The following PPP2R2B variants were observed in gnomAD, a reference collection of about 807,000 sequenced individuals.
PPP2R2B encodes the protein protein phosphatase 2 regulatory subunit Bbeta, also known as serine/threonine-protein phosphatase 2A 55 kDa regulatory subunit B beta isoform.
PPP2R2B carries 5 observed loss-of-function variants against 46.0 expected under a neutral mutation model. The ratio of observed to expected loss-of-function variants is 0.11; its 90% confidence interval spans 0.06 to 0.23. The LOEUF is 0.23. Ranked by LOEUF, PPP2R2B falls within the 10% of genes least tolerant of loss-of-function variation. PPP2R2B has a pLI of 1.00. For synonymous variants in PPP2R2B, 215 were observed against 206.7 expected (o/e 1.04, Z -0.34); for missense variants, 367 against 575.0 (o/e 0.64, Z 3.70).
At chr5:146,618,912 T>C (rs1773441791) in intron 7 of PPP2R2B, among the ~76,000 whole-genome samples, 1 of 152,172 alleles carries the variant, frequency 6.6e-6, no homozygotes, top group Admixed American at 6.5e-5. Context: ...GTGCTAAATA[T>C]TTGAATCTTC....
intron 2 of PPP2R2B, among the ~76,000 whole-genome samples, chr5:146,853,023 G>A (rs1760442647): frequency 6.6e-6 from 1 of 152,046 alleles, no homozygotes. Flanking sequence ...GTCACAGAGG[G>A]GCATGGAGTG....
intron 2 of PPP2R2B, among the ~76,000 whole-genome samples, chr5:146,863,641 T>C (rs796628833): frequency 5.3e-5 from 8 of 150,584 alleles, no homozygotes; most frequent in African/African-American, 9.8e-5. Context: ...TCCATCCATC[T>C]ATCCATCCAT....
In PPP2R2B at chr5:146,877,984, C is replaced by T. The variant is rs140457350; in HGVS notation, c.70+18G>A. On this transcript the variant is annotated intron_variant, in intron 2 of 9. Coordinates refer to ENST00000394411, the MANE Select transcript of PPP2R2B (RefSeq NM_181675.4). ...TGCGCCCGGCCCCAACGGCGGAATG[C>T]GGCGGGGCTGGCGTTACCTTCGGTC... 100 of 1,604,434 alleles carry T rather than the reference C, an allele frequency of 6.2e-5. No homozygotes were observed. The African/African-American group carries it at 1.1e-3, about 18-fold the overall frequency.
intron 7 of PPP2R2B, among the ~76,000 whole-genome samples, chr5:146,615,640 TTACAACAGC>T (rs1217110857): frequency 6.6e-6 from 1 of 151,226 alleles, no homozygotes; most frequent in East Asian, 1.9e-4. Flanking sequence ...TTAAACCCAT[TTACAACAGC>T]TACAAATTAA....
intron 7 of PPP2R2B, among the ~76,000 whole-genome samples, chr5:146,604,899 G>C (rs1395682613): frequency 1.3e-5 from 2 of 152,070 alleles, no homozygotes; most frequent in Non-Finnish European, 2.9e-5. Flanking sequence ...GTCAAACCAG[G>C]ATTCCTCACA....
chr5:146,951,702 A>G (rs537109808), intron 1 of PPP2R2B, among the ~76,000 whole-genome samples: 30 of 152,158 alleles, frequency 2.0e-4, no homozygotes, highest in Admixed American at 1.6e-3. Context: ...ATTCCTTTTT[A>G]TGGCTGCATA....
chr5:147,078,603 C>T (rs186309154), intron 2 of PPP2R2B, among the ~76,000 whole-genome samples: 4 of 151,906 alleles, frequency 2.6e-5, no homozygotes, highest in East Asian at 1.9e-4. Context: ...CTGGCTAACA[C>T]GGTGAAACCC....
chr5:146,861,608 G>C (rs1761006364), intron 2 of PPP2R2B, among the ~76,000 whole-genome samples: 1 of 152,182 alleles, frequency 6.6e-6, no homozygotes, highest in African/African-American at 2.4e-5. Flanking sequence ...CACAATGGCA[G>C]CCTTACTGTT....
chr5:146,602,451 A>T (rs1340514529), intron 7 of PPP2R2B, among the ~76,000 whole-genome samples: 1 of 152,206 alleles, frequency 6.6e-6, no homozygotes, highest in East Asian at 1.9e-4. Context: ...ACATTCAATT[A>T]TTTTTGACCT....
At chr5:147,026,081 A>T (rs1355058613) in intron 1 of PPP2R2B, among the ~76,000 whole-genome samples, 1 of 152,112 alleles carries the variant, frequency 6.6e-6, no homozygotes, top group Non-Finnish European at 1.5e-5. Context: ...CAGTTTCTTA[A>T]AATGTTCCCC....
intron 4 of PPP2R2B, among the ~76,000 whole-genome samples, chr5:146,697,139 T>C (rs1779221664): frequency 6.6e-6 from 1 of 152,216 alleles, no homozygotes; most frequent in African/African-American, 2.4e-5. Context: ...TAGACTCACA[T>C]ATGAGATAAA....
At chr5:146,919,966 A>G (rs1368973094) in intron 1 of PPP2R2B, 1 of 146,578 alleles carries the variant, frequency 6.8e-6, no homozygotes, top group Non-Finnish European at 1.5e-5. Context: ...GTAACTTTTG[A>G]TAAGTTACTT....
intron 7 of PPP2R2B, among the ~76,000 whole-genome samples, chr5:146,629,387 A>T (rs891811044): frequency 2.0e-5 from 3 of 152,152 alleles, no homozygotes; most frequent in African/African-American, 7.2e-5. Context: ...TCTCTCAGCA[A>T]GTCCTCTTAG....
intron 2 of PPP2R2B, among the ~76,000 whole-genome samples, chr5:146,841,250 T>C (rs1184644547): frequency 6.6e-6 from 1 of 152,218 alleles, no homozygotes; most frequent in East Asian, 1.9e-4. Flanking sequence ...CATTATTCAC[T>C]AGTACAAATT....
chr5:146,684,863 T>C (rs1189773126), intron 5 of PPP2R2B, among the ~76,000 whole-genome samples: 1 of 152,148 alleles, frequency 6.6e-6, no homozygotes, highest in Non-Finnish European at 1.5e-5. Context: ...AGAGTCCAAC[T>C]CAAACCTTCT....
At chr5:146,708,462 C>T (rs1561848654) in intron 2 of PPP2R2B, among the ~76,000 whole-genome samples, 1 of 150,390 alleles carries the variant, frequency 6.6e-6, no homozygotes, top group Admixed American at 6.6e-5. Context: ...TTTGTGGCAT[C>T]CAGTTCTAAA....
At chr5:146,810,812 G>A (rs1265978544) in intron 2 of PPP2R2B, among the ~76,000 whole-genome samples, 1 of 151,730 alleles carries the variant, frequency 6.6e-6, no homozygotes, top group African/African-American at 2.4e-5. Context: ...CCATGTTGGT[G>A]TGCTGCACCC....
chr5:146,803,609 G>T (rs957390395), intron 2 of PPP2R2B, among the ~76,000 whole-genome samples: 1 of 152,000 alleles, frequency 6.6e-6, no homozygotes, highest in Non-Finnish European at 1.5e-5. Flanking sequence ...TCATTAGCAG[G>T]CCTAGCAAGT....
intron 5 of PPP2R2B, among the ~76,000 whole-genome samples, chr5:146,673,691 G>C (rs1777520167): frequency 1.3e-5 from 2 of 152,134 alleles, no homozygotes; most frequent in Admixed American, 6.6e-5. Flanking sequence ...TCAGCCCAGA[G>C]GCCCCTCACA....
Sources: gnomAD v4.1 joint callset for allele counts (sites outside exome capture counted in the v4.1 genomes callset) on GRCh38, gnomAD v4.1.1 for gene constraint, MANE v1.5 for transcripts, NCBI Gene and HGNC (gene_info 2026-07-23, HGNC 2026-07-21) for gene names.